Variants in RYR3 observed in about 807,000 individuals in gnomAD.
RYR3 encodes the protein brain ryanodine receptor-calcium release channel.
In RYR3, 207 loss-of-function variants were observed where a neutral mutation model predicts 584.3. The observed-to-expected ratio is 0.35, with a 90% CI of 0.32 to 0.40. The LOEUF (loss-of-function observed/expected upper bound fraction) is 0.40, where lower values mean the gene tolerates loss of function less well. Ranked by LOEUF, RYR3 falls within the 10% of genes least tolerant of loss-of-function variation. RYR3 has a pLI of 1.00. For synonymous variants in RYR3, 2,416 were observed against 2,248.5 expected (o/e 1.07, Z -2.11); for missense variants, 5,616 against 6,089.2 (o/e 0.92, Z 2.59).
At chr15:33,389,343 A>G (rs1242923303) in intron 1 of RYR3, among the ~76,000 whole-genome samples, 1 of 152,242 alleles carries the variant, frequency 6.6e-6, no homozygotes, top group Non-Finnish European at 1.5e-5. Flanking sequence ...CAATACATTA[A>G]GAAATAATAG....
At chr15:33,784,145 C>T (rs1045029789) in intron 65 of RYR3, among the ~76,000 whole-genome samples, 1 of 152,192 alleles carries the variant, frequency 6.6e-6, no homozygotes, top group African/African-American at 2.4e-5. Flanking sequence ...CACATCCTGT[C>T]CAGGTAGAAT....
chr15:33,789,986 C>CTTTTTTTTTTTTTTTTTTTTTTT (rs757370991), intron 67 of RYR3, among the ~76,000 whole-genome samples: 1 of 53,256 alleles, frequency 1.9e-5, no homozygotes, highest in Admixed American at 2.1e-4. Context: ...GCCTGGCCTT[C>CTTTTTTTTTTTTTTTTTTTTTTT]TTTTTTTTTT....
chr15:33,602,992 G>C, intron 17 of RYR3, 131 bp from the exon 18 acceptor site: 1 of 939,264 alleles, frequency 1.1e-6, no homozygotes, highest in South Asian at 1.7e-5. Flanking sequence ...CCCATCTTTT[G>C]AGCAATATGA....
At position 33,778,656 on chromosome 15, in the gene RYR3, T is replaced by G. The variant is rs559304595; in HGVS notation, c.9138-1555T>G. Among the ~76,000 whole-genome samples the G allele has an allele frequency of 1.1e-4, 17 of 152,332 alleles. No homozygotes were observed. In the East Asian group the frequency reaches 2.9e-3, roughly 26 times the overall value. The stretch of plus-strand genomic sequence containing the variant: ...AGCTGCATTGTGAAAGCTTCGCCAA[T>G]ATCACCTGCGTCTCAGCAGTCTCCG... On this transcript the variant is annotated intron_variant, in intron 64 of 103. Coordinates refer to ENST00000634891, the MANE Select transcript of RYR3 (RefSeq NM_001036.6).
chr15:33,699,308 CTTTCCTCACTT>C (rs373314754), intron 40 of RYR3, among the ~76,000 whole-genome samples: 1 of 130,286 alleles, frequency 7.7e-6, no homozygotes, highest in East Asian at 2.6e-4. Flanking sequence ...TCTCCTCACT[CTTTCCTCACTT>C]TCTCTCCTCA....
At chr15:33,332,209 A>T (rs1352948194) in intron 1 of RYR3, among the ~76,000 whole-genome samples, 1 of 152,098 alleles carries the variant, frequency 6.6e-6, no homozygotes, top group Non-Finnish European at 1.5e-5. Flanking sequence ...CTCAGAATGG[A>T]TACATAAACA....
chr15:33,676,658 A>G (rs1173661507), intron 38 of RYR3, among the ~76,000 whole-genome samples: 3 of 152,170 alleles, frequency 2.0e-5, no homozygotes, highest in Non-Finnish European at 4.4e-5. Flanking sequence ...GATTTTTTCC[A>G]CACAGTCTGA....
At chr15:33,843,031 C>A (rs2078474026) in intron 91 of RYR3, among the ~76,000 whole-genome samples, 1 of 151,936 alleles carries the variant, frequency 6.6e-6, no homozygotes, top group Non-Finnish European at 1.5e-5. Context: ...TTAAGAATGC[C>A]AGGGTTGGCC....
chr15:33,674,912 GAAAAA>G (rs10580400), intron 38 of RYR3, among the ~76,000 whole-genome samples: 2 of 137,374 alleles, frequency 1.5e-5, no homozygotes, highest in African/African-American at 2.7e-5. Context: ...GGTCAGAATG[GAAAAA>G]AAAAAAAAAA....
At chr15:33,752,803 T>C (rs2071442764) in intron 57 of RYR3, among the ~76,000 whole-genome samples, 1 of 152,164 alleles carries the variant, frequency 6.6e-6, no homozygotes, top group African/African-American at 2.4e-5. Context: ...ATCCTTGTCT[T>C]GTGCCTGTTT....
intron 27 of RYR3, among the ~76,000 whole-genome samples, chr15:33,637,157 T>C (rs1024856798): frequency 5.9e-5 from 9 of 152,218 alleles, no homozygotes; most frequent in Non-Finnish European, 1.3e-4. Flanking sequence ...GAGCTTATTA[T>C]TTCTTGTCTA....
At chr15:33,429,496 C>T (rs115661352) in intron 1 of RYR3, among the ~76,000 whole-genome samples, 95 of 152,320 alleles carry the variant, frequency 6.2e-4, no homozygotes, top group African/African-American at 2.1e-3. Flanking sequence ...GAAAGGCAGA[C>T]GCTGATGATC....
chr15:33,701,186 C>T (rs1428620979), intron 42 of RYR3, 106 bp downstream of exon 42: 1 of 669,292 alleles, frequency 1.5e-6, no homozygotes, highest in East Asian at 2.8e-5. Flanking sequence ...GTATCGTCAT[C>T]TTGGTGGGCT....
At chr15:33,539,111 T>A in intron 5 of RYR3, 1 of 316,658 alleles carries the variant, frequency 3.2e-6, no homozygotes, top group Non-Finnish European at 5.8e-6. Context: ...GTTTCCGGCC[T>A]CCAATACTCC....
chr15:33,738,734 ATC>A (rs2069764932), intron 50 of RYR3, 144 bp downstream of exon 50: 2 of 862,306 alleles, frequency 2.3e-6, no homozygotes, highest in Admixed American at 2.7e-5. Context: ...ATCCTTGCCC[ATC>A]TCTCTGAAAT....
At chr15:33,805,898 TCTC>T (rs1019067958) in intron 69 of RYR3, among the ~76,000 whole-genome samples, 3 of 151,702 alleles carry the variant, frequency 2.0e-5, no homozygotes, top group Non-Finnish European at 2.9e-5. Context: ...ATCCTCTTCT[TCTC>T]CTCTCCCCCT....
intron 38 of RYR3, among the ~76,000 whole-genome samples, chr15:33,694,559 A>C (rs1183991002): frequency 6.9e-6 from 1 of 143,954 alleles, no homozygotes; most frequent in Non-Finnish European, 1.6e-5. Flanking sequence ...TTTTTTGAAT[A>C]ATATGACAGA....
chr15:33,861,038 T>A (rs777514266), intron 101 of RYR3, 40 bp from the exon 102 acceptor site: 1 of 1,415,220 alleles, frequency 7.1e-7, no homozygotes. Context: ...CTGCCTATAT[T>A]ATGCCAACAA....
intron 1 of RYR3, among the ~76,000 whole-genome samples, chr15:33,357,029 G>GTCCCATCCTTCACTTGTCT (rs911781682): frequency 6.6e-6 from 1 of 152,110 alleles, no homozygotes; most frequent in Non-Finnish European, 1.5e-5. Flanking sequence ...AAGGTGTCGT[G>GTCCCATCCTTCACTTGTCT]TCCCATCCTT....
Sources: allele counts gnomAD v4.1 joint callset (sites outside exome capture counted in the v4.1 genomes callset), GRCh38; gene constraint gnomAD v4.1.1; transcripts MANE v1.5; gene names NCBI Gene and HGNC (gene_info 2026-07-23, HGNC 2026-07-21).